Variants in NT5C2 observed in about 807,000 individuals in gnomAD.
NT5C2 encodes the protein 5'-nucleotidase, cytosolic II.
In NT5C2, 58 loss-of-function variants were observed where a neutral mutation model predicts 76.1. The observed-to-expected ratio is 0.76, with a 90% CI of 0.62 to 0.95. NT5C2 has a LOEUF of 0.95. Ranked by LOEUF, NT5C2 falls within the 40% of genes least tolerant of loss-of-function variation. NT5C2 has a pLI of 0.00. For synonymous variants in NT5C2, 229 were observed against 237.4 expected (o/e 0.96, Z 0.32); for missense variants, 478 against 690.3 (o/e 0.69, Z 3.45).
intron 4 of NT5C2, among the ~76,000 whole-genome samples, chr10:103,125,868 A>T (rs1455357056): frequency 1.3e-5 from 2 of 152,216 alleles, no homozygotes; most frequent in African/African-American, 4.8e-5. Flanking sequence ...CAAATTCAGA[A>T]ATAGTATAGA....
At chr10:103,171,848 C>T (rs138670290) in intron 3 of NT5C2, among the ~76,000 whole-genome samples, 18 of 152,188 alleles carry the variant, frequency 1.2e-4, no homozygotes, top group African/African-American at 4.3e-4. Context: ...TGCTTGAGCC[C>T]AGGCATTTGA....
At chr10:103,168,844 G>A (rs1042442029) in intron 3 of NT5C2, among the ~76,000 whole-genome samples, 1 of 152,170 alleles carries the variant, frequency 6.6e-6, no homozygotes, top group Non-Finnish European at 1.5e-5. Context: ...AAATTGTAAA[G>A]CATCACATAC....
At chr10:103,170,869 G>A (rs1022944831) in intron 3 of NT5C2, among the ~76,000 whole-genome samples, 6 of 151,902 alleles carry the variant, frequency 3.9e-5, no homozygotes, top group African/African-American at 1.5e-4. Flanking sequence ...ATTAAATAAT[G>A]TTTACCAGTC....
At chr10:103,095,683 C>T (rs2068002856) in intron 12 of NT5C2, among the ~76,000 whole-genome samples, 2 of 152,194 alleles carry the variant, frequency 1.3e-5, no homozygotes, top group Admixed American at 6.5e-5. Context: ...TGATCCCATC[C>T]TACTAAATAT....
chr10:103,190,875 C>G (rs1488964316), intron 1 of NT5C2, among the ~76,000 whole-genome samples: 3 of 152,168 alleles, frequency 2.0e-5, no homozygotes, highest in African/African-American at 7.2e-5. Flanking sequence ...TAGAGAGCAT[C>G]TACTAATGAA....
At chr10:103,116,683 C>A (rs2074431528) in intron 4 of NT5C2, among the ~76,000 whole-genome samples, 1 of 150,980 alleles carries the variant, frequency 6.6e-6, no homozygotes, top group East Asian at 1.9e-4. Flanking sequence ...AATCCTCCTC[C>A]TCAGCCTCAG....
chr10:103,129,327 C>T (rs1253040430), intron 4 of NT5C2, among the ~76,000 whole-genome samples: 1 of 120,092 alleles, frequency 8.3e-6, no homozygotes, highest in Admixed American at 7.4e-5. Context: ...CCCGGCCAGC[C>T]GCCCCGTCCG....
intron 3 of NT5C2, among the ~76,000 whole-genome samples, chr10:103,142,831 A>C (rs1468744092): frequency 6.6e-6 from 1 of 151,950 alleles, no homozygotes; most frequent in African/African-American, 2.4e-5. Flanking sequence ...AAAAATACAA[A>C]AATTAGCTGA....
chr10:103,099,098 A>G, intron 9 of NT5C2, 114 bp from the exon 10 acceptor site: 1 of 824,248 alleles, frequency 1.2e-6, no homozygotes, highest in Non-Finnish European at 2.0e-6. Context: ...TTTTTGAGAC[A>G]AGGTCACCCT....
chr10:103,154,091 A>C (rs1252559142), intron 3 of NT5C2, among the ~76,000 whole-genome samples: 1 of 152,208 alleles, frequency 6.6e-6, no homozygotes, highest in South Asian at 2.1e-4. Flanking sequence ...GAAAAAAAAG[A>C]ATCTGTAACA....
chr10:103,133,076 C>T (rs1315738692), intron 4 of NT5C2, among the ~76,000 whole-genome samples: 1 of 152,194 alleles, frequency 6.6e-6, no homozygotes, highest in East Asian at 1.9e-4. Flanking sequence ...GTAATTGAAT[C>T]ACAGGGGTGT....
rs1017341488 is a variant in NT5C2, at chr10:103,126,482, C to T, written c.175+12924G>A. Among the ~76,000 whole-genome samples, 6 of 152,170 alleles carry T rather than the reference C, an allele frequency of 3.9e-5. No homozygotes were observed. In the South Asian group the frequency reaches 6.2e-4, roughly 16 times the overall value. Reference sequence around the variant, plus strand: ...ACAAAAAATACAAAAATTAACAGGGCGCGGTGGTGCATGCCTGTAGTCCCA... The same window carrying T: ...ACAAAAAATACAAAAATTAACAGGGTGCGGTGGTGCATGCCTGTAGTCCCA... On this transcript the variant is annotated intron_variant, in intron 4 of 18. Coordinates refer to ENST00000404739, the MANE Select transcript of NT5C2 (RefSeq NM_001351169.2).
intron 3 of NT5C2, among the ~76,000 whole-genome samples, chr10:103,157,089 CAT>C (rs2083571786): frequency 6.7e-6 from 1 of 148,684 alleles, no homozygotes; most frequent in Non-Finnish European, 1.5e-5. Flanking sequence ...AATGCTATAA[CAT>C]AGGATGTATT....
At chr10:103,105,918 A>G in intron 5 of NT5C2, 117 bp from the exon 6 acceptor site, 1 of 670,634 alleles carries the variant, frequency 1.5e-6, no homozygotes, top group South Asian at 1.9e-5. Flanking sequence ...TACCAACTCA[A>G]AGTATGTCCT....
At chr10:103,103,793 C>T (rs985685499) in intron 6 of NT5C2, among the ~76,000 whole-genome samples, 16 of 152,110 alleles carry the variant, frequency 1.1e-4, no homozygotes, top group Admixed American at 9.2e-4. Context: ...GTAATAGCTT[C>T]GATAACTTTC....
intron 4 of NT5C2, among the ~76,000 whole-genome samples, chr10:103,139,003 G>A (rs542607335): frequency 1.7e-4 from 25 of 149,906 alleles, no homozygotes; most frequent in Admixed American, 1.3e-3. Context: ...GCGAAACTCC[G>A]TCTCAAAAAA....
chr10:103,160,471 G>T (rs2084561637), intron 3 of NT5C2, among the ~76,000 whole-genome samples: 1 of 152,120 alleles, frequency 6.6e-6, no homozygotes, highest in Admixed American at 6.5e-5. Flanking sequence ...TCAGCCCACA[G>T]AACAGGAGAC....
chr10:103,107,887 G>T (rs1811228244), intron 4 of NT5C2, among the ~76,000 whole-genome samples: 1 of 152,054 alleles, frequency 6.6e-6, no homozygotes, highest in Admixed American at 6.6e-5. Context: ...AGGTGCGGTG[G>T]CTCACGCCTG....
chr10:103,156,699 G>A (rs1395315295), intron 3 of NT5C2, among the ~76,000 whole-genome samples: 2 of 149,208 alleles, frequency 1.3e-5, no homozygotes, highest in Non-Finnish European at 3.0e-5. Flanking sequence ...AGGTTGTGGT[G>A]AGCTGAGATC....
Sources: allele counts gnomAD v4.1 joint callset (sites outside exome capture counted in the v4.1 genomes callset), GRCh38; gene constraint gnomAD v4.1.1; transcripts MANE v1.5; gene names NCBI Gene and HGNC (gene_info 2026-07-23, HGNC 2026-07-21).